Variants in CEP131 observed in about 807,000 individuals in gnomAD.
The protein encoded by CEP131 is centrosomal protein of 131 kDa.
CEP131 carries 99 observed loss-of-function variants against 136.8 expected under a neutral mutation model. That is an observed-to-expected ratio of 0.72 (90% CI 0.62 to 0.86). The LOEUF (loss-of-function observed/expected upper bound fraction) is 0.86. CEP131 is among the 40% of genes least tolerant of loss of function. The pLI is 0.00. For synonymous variants in CEP131, 646 were observed against 612.7 expected (o/e 1.05, Z -0.80); for missense variants, 1,459 against 1,463.0 (o/e 1.00, Z 0.04).
intron 2 of CEP131, among the ~76,000 whole-genome samples, chr17:81,218,685 C>A (rs2062312927): frequency 1.3e-5 from 2 of 152,268 alleles, no homozygotes; most frequent in African/African-American, 4.8e-5. Context: ...CAAGGGTCCG[C>A]TACTGGCCCG....
At chr17:81,192,685 G>GGGCGGGCC in intron 19 of CEP131, 51 bp downstream of exon 19, 1 of 478,438 alleles carries the variant, frequency 2.1e-6, no homozygotes, top group Non-Finnish European at 4.1e-6. Context: ...GGGGGGAGGG[G>GGGCGGGCC]TCAGCCAGCG....
At chr17:81,202,082 C>A (rs1365042185) in intron 7 of CEP131, among the ~76,000 whole-genome samples, 158 bp downstream of exon 7, 1 of 147,846 alleles carries the variant, frequency 6.8e-6, no homozygotes, top group African/African-American at 2.5e-5. Context: ...GCCTGGGCGA[C>A]AGAGCGAGAC....
At chr17:81,197,311 C>G (rs2061781765) in intron 13 of CEP131, 2 of 573,404 alleles carry the variant, frequency 3.5e-6, no homozygotes, top group African/African-American at 1.9e-5. Flanking sequence ...AGCTTCCTGC[C>G]CTGTGACAAT....
intron 13 of CEP131, 196 bp downstream of exon 13, chr17:81,197,516 G>A: frequency 1.2e-6 from 1 of 803,736 alleles, no homozygotes; most frequent in South Asian, 1.9e-5. Flanking sequence ...AGACCCGTGG[G>A]GGGTGCTGCA....
rs2062066113 is a variant in CEP131, at chr17:81,208,616, C to T, written c.272+312G>A. On this transcript the variant is annotated intron_variant, in intron 3 of 25. Coordinates refer to ENST00000450824, the MANE Select transcript of CEP131 (RefSeq NM_014984.4). This position sits in a 1 kb window ranked among gnomAD's most constrained non-coding sequence, Gnocchi z 5.6. ...CCCTCTCGCAAATGACAGCTTTTGA[C>T]ATTCAGAGGGCAGGTGGAAAGGGCT... Among the ~76,000 whole-genome samples the T allele has an allele frequency of 6.6e-6, 1 of 152,210 alleles. No individual in the cohort carries two copies. Among genetic ancestry groups the T allele is most frequent in the Non-Finnish European group, 1.5e-5 (1 of 68,046 alleles).
At chr17:81,190,882 G>A (rs2061623622) in intron 23 of CEP131, 25 bp downstream of exon 23, 1 of 1,595,858 alleles carries the variant, frequency 6.3e-7, no homozygotes, top group East Asian at 2.2e-5. Flanking sequence ...GGTGCCCACT[G>A]CCCACCTGAC....
At chr17:81,204,886 G>A (rs569788772) in intron 5 of CEP131, among the ~76,000 whole-genome samples, 1 of 151,422 alleles carries the variant, frequency 6.6e-6, no homozygotes, top group South Asian at 2.1e-4. Flanking sequence ...GCCAATTTGG[G>A]TGGTGTGAAT....
At chr17:81,200,705 G>A (rs536389731) in intron 7 of CEP131, among the ~76,000 whole-genome samples, 1 of 152,350 alleles carries the variant, frequency 6.6e-6, no homozygotes, top group Non-Finnish European at 1.5e-5. Context: ...ACGCAGGCCT[G>A]TGTGGCCTTA....
At chr17:81,192,685 G>GGGGGGGGGGGGGGCGCC in intron 19 of CEP131, 51 bp downstream of exon 19, 1 of 478,438 alleles carries the variant, frequency 2.1e-6, no homozygotes, top group Non-Finnish European at 4.1e-6. Context: ...GGGGGGAGGG[G>GGGGGGGGGGGGGGCGCC]TCAGCCAGCG....
rs766964922 is a variant in CEP131 at position 81,220,002 on chromosome 17, C to T, written c.55G>A (p.Asp19Asn). The T allele has an allele frequency of 1.9e-6, 3 of 1,611,522 alleles. No homozygotes were observed. The highest frequency in any genetic ancestry group is 1.1e-5 in the South Asian group (1 of 90,790). ...SVPERSPAGV[D>N]LSLTGLPPPV... Reference sequence around the variant, plus strand: ...GGAGGGAGACCTGTCAGACTCAGGTCCACACCTGCTGGGCTGCGCTCCGGG... The same window carrying T: ...GGAGGGAGACCTGTCAGACTCAGGTTCACACCTGCTGGGCTGCGCTCCGGG... The change falls in exon 2 of 26, where the codon GAC becomes AAC. Residue 19 changes from aspartate (D) to asparagine (N), a missense_variant. Around this residue, in one of 3 missense-constraint regions of CEP131, gnomAD observed 187 missense variants for 179.9 expected, o/e 1.04. Transcript: ENST00000450824.
chr17:81,202,600 C>T (rs903628687), intron 6 of CEP131, among the ~76,000 whole-genome samples: 22 of 152,144 alleles, frequency 1.4e-4, no homozygotes, highest in Non-Finnish European at 3.1e-4. Context: ...CCACCTGTGC[C>T]CTGACAAGGT....
chr17:81,210,505 G>A (rs2062108571), intron 2 of CEP131, among the ~76,000 whole-genome samples: 1 of 152,112 alleles, frequency 6.6e-6, no homozygotes, highest in African/African-American at 2.4e-5. Flanking sequence ...GAGAGGCGGA[G>A]GTTGCAGTGA....
At chr17:81,207,423 C>T (rs945537672) in intron 3 of CEP131, among the ~76,000 whole-genome samples, 184 bp from the exon 4 acceptor site, 1 of 151,988 alleles carries the variant, frequency 6.6e-6, no homozygotes, top group Non-Finnish European at 1.5e-5. Context: ...TGGAGCTGGG[C>T]GTTCAGGGTG....
chr17:81,195,925 A>T lies in CEP131; in HGVS notation c.1926T>A (p.Ser642Arg). The T allele has an allele frequency of 2.5e-6, 4 of 1,609,848 alleles. No individual in the cohort carries two copies. The highest frequency in any genetic ancestry group is 3.4e-6 in the Non-Finnish European group (4 of 1,179,808). ...CGGCCACCACAGCCTCGCACTTTTC[A>T]CTCAGGACCTTCTTGTCCTCAATCA... ...DQLIEDKKVL[S>R]EKCEAVVAEL... Residue 642 changes from serine (S) to arginine (R), a missense_variant, in exon 16 of 26, where the codon AGT becomes AGA. Physicochemically the swap from Ser to Arg is moderately radical, Grantham distance 110 (BLOSUM62 -1). Coordinates refer to ENST00000450824, the MANE Select transcript of CEP131 (RefSeq NM_014984.4).
At chr17:81,213,052 A>G (rs1284721970) in intron 2 of CEP131, among the ~76,000 whole-genome samples, 1 of 152,172 alleles carries the variant, frequency 6.6e-6, no homozygotes, top group Non-Finnish European at 1.5e-5. Context: ...GAAATAGACA[A>G]GATGAGGCTG....
intron 11 of CEP131, 48 bp downstream of exon 11, chr17:81,198,829 C>T (rs2061825194): frequency 6.5e-7 from 1 of 1,533,338 alleles, no homozygotes; most frequent in Non-Finnish European, 8.8e-7. Flanking sequence ...CAGACATGGC[C>T]CTTAAAGCCA....
rs145065823 is a variant in CEP131, at chr17:81,190,976, G to A, written c.2874C>T (p.Ala958=). Residue 958 remains alanine (A), a synonymous_variant, in exon 23 of 26, where the codon GCC becomes GCT. Transcript: ENST00000450824. ...CCTGCAGACGCAGATTCTCGCCCTC[G>A]GCCTCCCCAAGCTGGCCCTTCAGCT... The part of the protein sequence containing the change: ...CSELKGQLGE[A]EGENLRLQGL... 3.2e-5 allele frequency: 52 copies of A among 1,606,724 alleles called. No individual in the cohort carries two copies. Among genetic ancestry groups the A allele is most frequent in the East Asian group, 2.5e-4 (11 of 44,884 alleles).
intron 1 of CEP131, among the ~76,000 whole-genome samples, chr17:81,222,360 C>T (rs146037893): frequency 2.3e-4 from 35 of 152,364 alleles, no homozygotes; most frequent in African/African-American, 8.4e-4. Flanking sequence ...GAGCAGAGCC[C>T]TCCACTTGTC....
In CEP131 at chr17:81,192,337, G is replaced by GCCTCCCA; in HGVS notation, c.2596_2602dup (p.Ala868ValfsTer33). On this transcript the variant is annotated frameshift_variant, in exon 21 of 26. Coordinates refer to ENST00000450824, the MANE Select transcript of CEP131 (RefSeq NM_014984.4). LOFTEE classifies it high-confidence loss of function. ...CCCCACCTCCTTCCTGGTGCGGCCG[G>GCCTCCCA]CCTCCCACGCCTGCCTCTCCAGCTC... 3.2e-6 allele frequency: 5 copies of GCCTCCCA among 1,567,518 alleles called. No homozygotes were observed. The highest frequency in any genetic ancestry group is 4.3e-6 in the Non-Finnish European group (5 of 1,158,012).
Sources: allele counts gnomAD v4.1 joint callset (sites outside exome capture counted in the v4.1 genomes callset), GRCh38; gene constraint gnomAD v4.1.1; regional missense constraint gnomAD v4.1.1; non-coding constraint Gnocchi (gnomAD v3.1); transcripts MANE v1.5; gene names NCBI Gene and HGNC (gene_info 2026-07-23, HGNC 2026-07-21).